BLOC1S6: variants seen among roughly 807,000 people sequenced by gnomAD.
The protein encoded by BLOC1S6 is biogenesis of lysosomal organelles complex 1 subunit 6.
A neutral mutation model predicts 24.7 loss-of-function variants in BLOC1S6; 24 were observed. The observed-to-expected ratio is 0.97, with a 90% confidence interval of 0.70 to 1.37. The LOEUF is 1.37. BLOC1S6 is among the 40% of genes most tolerant of loss of function. The pLI is 0.00. For synonymous variants in BLOC1S6, 76 were observed against 72.6 expected (o/e 1.05, Z -0.23); for missense variants, 175 against 196.2 (o/e 0.89, Z 0.64).
At chr15:45,605,601 T>C (rs2140919349) in intron 4 of BLOC1S6, 87 bp downstream of exon 4, 1 of 1,119,486 alleles carries the variant, frequency 8.9e-7, no homozygotes, top group Admixed American at 2.4e-5. Flanking sequence ...TATTCTTTTT[T>C]TTTTTGAGAC....
At chr15:45,595,425 C>A (rs1023036001) in intron 2 of BLOC1S6, among the ~76,000 whole-genome samples, 2 of 152,118 alleles carry the variant, frequency 1.3e-5, no homozygotes, top group Non-Finnish European at 2.9e-5. Context: ...CAGACAAATT[C>A]TTTGTTAGAT....
intron 1 of BLOC1S6, among the ~76,000 whole-genome samples, chr15:45,591,016 T>C (rs1034812443): frequency 1.3e-5 from 2 of 152,224 alleles, no homozygotes; most frequent in Non-Finnish European, 2.9e-5. Context: ...TTGATATTCA[T>C]CTTAGATGTT....
At chr15:45,602,185 T>C (rs934988082) in intron 2 of BLOC1S6, among the ~76,000 whole-genome samples, 2 of 152,134 alleles carry the variant, frequency 1.3e-5, no homozygotes. Context: ...CATGAACCAC[T>C]GTGCCCAGCC....
At chr15:45,588,685 A>ATAT (rs1272169437) in intron 1 of BLOC1S6, among the ~76,000 whole-genome samples, 1 of 152,216 alleles carries the variant, frequency 6.6e-6, no homozygotes, top group Non-Finnish European at 1.5e-5. Context: ...GAAACCTTAA[A>ATAT]TAGCTCCTCA....
At chr15:45,594,785 A>G (rs1057040797) in intron 2 of BLOC1S6, among the ~76,000 whole-genome samples, 6 of 152,016 alleles carry the variant, frequency 3.9e-5, no homozygotes, top group Admixed American at 1.3e-4. Flanking sequence ...GGGTTTCACC[A>G]TGTTGGCCAG....
rs553762059 is a variant in BLOC1S6 at position 45,596,799 on chromosome 15, C to T, written c.224+4523C>T. On this transcript the variant is annotated intron_variant, in intron 2 of 4. Coordinates refer to ENST00000220531, the MANE Select transcript of BLOC1S6 (RefSeq NM_012388.4). ...GTTCGTGATTCTTGCACCTCAGCCT[C>T]CCAAGTAGCGGGATTATAGGTGCGC... is the stretch of plus-strand genomic sequence containing the variant. Among the ~76,000 whole-genome samples, 31 of 152,128 alleles carry T rather than the reference C, an allele frequency of 2.0e-4. 1 individual carries two copies. In the South Asian group the frequency reaches 6.2e-3, roughly 31 times the overall value.
At chr15:45,587,329 C>T, upstream of BLOC1S6, 1 of 1,032,922 alleles carries the variant, frequency 9.7e-7, no homozygotes. Flanking sequence ...TCGCCCCCGT[C>T]ACTTCCGGGT....
At chr15:45,593,631 G>A (rs142959837) in intron 2 of BLOC1S6, among the ~76,000 whole-genome samples, 3 of 152,298 alleles carry the variant, frequency 2.0e-5, no homozygotes, top group African/African-American at 7.2e-5. Context: ...CTTGCAGGAA[G>A]CTGGGAATCA....
At chr15:45,601,890 A>G (rs548715911) in intron 2 of BLOC1S6, among the ~76,000 whole-genome samples, 1 of 151,718 alleles carries the variant, frequency 6.6e-6, no homozygotes, top group Admixed American at 6.6e-5. Flanking sequence ...TTATTTATTT[A>G]TATTTGTAGA....
chr15:45,603,222 T>TCAA, intron 3 of BLOC1S6, 35 bp downstream of exon 3: 1 of 1,410,128 alleles, frequency 7.1e-7, no homozygotes, highest in African/African-American at 1.4e-5. Context: ...TTTAATGACA[T>TCAA]CTTGTCTTAG....
intron 3 of BLOC1S6, 26 bp from the exon 4 acceptor site, chr15:45,605,402 C>G (rs776611013): frequency 6.5e-7 from 1 of 1,548,200 alleles, no homozygotes; most frequent in Non-Finnish European, 8.9e-7. Flanking sequence ...TTTAACTTGA[C>G]TTTTCATTTA....
At chr15:45,606,258 C>T (rs1894454772) in intron 4 of BLOC1S6, 137 bp from the exon 5 acceptor site, 7 of 1,274,498 alleles carry the variant, frequency 5.5e-6, no homozygotes, top group African/African-American at 1.5e-5. Context: ...CTTAAATTAT[C>T]CCAAATTTAA....
At chr15:45,590,379 G>A (rs1010058556) in intron 1 of BLOC1S6, among the ~76,000 whole-genome samples, 25 of 150,312 alleles carry the variant, frequency 1.7e-4, no homozygotes, top group African/African-American at 5.8e-4. Flanking sequence ...AGCTTACTTC[G>A]AATATGATAG....
At chr15:45,600,456 A>G (rs1220559362) in intron 2 of BLOC1S6, among the ~76,000 whole-genome samples, 1 of 152,140 alleles carries the variant, frequency 6.6e-6, no homozygotes, top group Non-Finnish European at 1.5e-5. Context: ...GGTATTCCTT[A>G]TTAAGTTGAG....
At chr15:45,587,311 C>T, upstream of BLOC1S6, 1 of 851,856 alleles carries the variant, frequency 1.2e-6, no homozygotes, top group Non-Finnish European at 1.9e-6. Flanking sequence ...TCGAAGCCCG[C>T]AGTTTTTTCG....
intron 3 of BLOC1S6, 90 bp from the exon 4 acceptor site, chr15:45,605,338 A>G: frequency 9.4e-7 from 1 of 1,064,708 alleles, no homozygotes; most frequent in Non-Finnish European, 1.4e-6. Flanking sequence ...TTTAGGAAGC[A>G]CAAACTATCA....
chr15:45,605,539 C>G (rs1321375481), intron 4 of BLOC1S6, 25 bp downstream of exon 4: 1 of 1,417,540 alleles, frequency 7.1e-7, no homozygotes, highest in African/African-American at 1.4e-5. Context: ...CTTTCACATT[C>G]TTTACAAAAG....
chr15:45,591,890 G>T, intron 1 of BLOC1S6: 1 of 492,408 alleles, frequency 2.0e-6, no homozygotes, highest in Non-Finnish European at 3.6e-6. Context: ...GTGGTTGGGA[G>T]ACTGTGTGTG....
Position 45,606,625 on chromosome 15 carries a change from C to A in BLOC1S6, c.*111C>A. 1 of 1,477,354 alleles carries A rather than the reference C, an allele frequency of 6.8e-7. No individual in the cohort carries two copies. Among genetic ancestry groups the A allele is most frequent in the Non-Finnish European group, 9.4e-7 (1 of 1,059,974 alleles). The allele number at this position is 1,477,354 out of a possible 1,614,324, so 91.5% of individuals were successfully genotyped here. A position where few individuals can be genotyped will look rare whatever the true frequency, so the allele number is the denominator to read the frequency against. On this transcript the variant is annotated 3_prime_UTR_variant, in exon 5 of 5. Coordinates refer to ENST00000220531, the MANE Select transcript of BLOC1S6 (RefSeq NM_012388.4). ...ATGCCATTATGTCATATGTTGAAAT[C>A]CTTATTCCGGTATTACTGTGTCTCC...
Sources: allele counts gnomAD v4.1 joint callset (sites outside exome capture counted in the v4.1 genomes callset), GRCh38; gene constraint gnomAD v4.1.1; transcripts MANE v1.5; gene names NCBI Gene and HGNC (gene_info 2026-07-23, HGNC 2026-07-21).